The following TTBK2 variants were observed in gnomAD, a reference collection of about 807,000 sequenced individuals.
TTBK2 encodes tau-tubulin kinase 2.
In TTBK2, 28 loss-of-function variants were observed where a neutral mutation model predicts 110.8. That is an observed-to-expected ratio of 0.25 (90% confidence interval 0.19 to 0.35). The LOEUF is 0.35. Ranked by LOEUF, TTBK2 falls within the 10% of genes least tolerant of loss-of-function variation. The probability of loss-of-function intolerance (pLI) is 1.00; values close to 1 mark genes in which losing one functional copy is unlikely to be tolerated. For missense variants in TTBK2, 1,369 were observed against 1,500.3 expected, an observed-to-expected ratio of 0.91 and a Z score of 1.45; for synonymous variants, 532 against 527.3, an observed-to-expected ratio of 1.01 and a Z score of -0.12.
chr15:42,761,822 G>A (rs2062031881), intron 13 of TTBK2, among the ~76,000 whole-genome samples: 1 of 152,194 alleles, frequency 6.6e-6, no homozygotes, highest in Admixed American at 6.5e-5. Flanking sequence ...GCAGAGAAAA[G>A]AGAACTCTCA....
At chr15:42,902,602 G>A (rs1010196701) in intron 1 of TTBK2, among the ~76,000 whole-genome samples, 32 of 152,148 alleles carry the variant, frequency 2.1e-4, no homozygotes, top group African/African-American at 3.4e-4. Flanking sequence ...TATGGCAGGT[G>A]CCGGTGAGGA....
intron 4 of TTBK2, among the ~76,000 whole-genome samples, chr15:42,833,653 A>G (rs537063676): frequency 1.3e-5 from 2 of 152,268 alleles, no homozygotes; most frequent in East Asian, 3.9e-4. Context: ...CAGGAGGATC[A>G]CTTGAGCCCA....
chr15:42,746,293 T>A (rs116718595), intron 14 of TTBK2, 36 bp from the exon 15 acceptor site: 2 of 1,515,150 alleles, frequency 1.3e-6, no homozygotes, highest in South Asian at 1.2e-5. Flanking sequence ...TTAATTTTAA[T>A]TCATTTCAAG....
At chr15:42,750,618 G>A (rs2061852330) in intron 14 of TTBK2, among the ~76,000 whole-genome samples, 1 of 151,906 alleles carries the variant, frequency 6.6e-6, no homozygotes. Context: ...AGGGCCTGTG[G>A]GGCCATCAAG....
intron 1 of TTBK2, among the ~76,000 whole-genome samples, chr15:42,903,434 A>C (rs977524436): frequency 5.3e-5 from 8 of 152,196 alleles, no homozygotes; most frequent in Non-Finnish European, 1.0e-4. Context: ...TCTTATGTAT[A>C]TTTTACCATA....
intron 2 of TTBK2, among the ~76,000 whole-genome samples, chr15:42,873,294 C>A (rs554952922): frequency 6.6e-6 from 1 of 152,074 alleles, no homozygotes; most frequent in South Asian, 2.1e-4. Flanking sequence ...ATTAGCCAGG[C>A]GTGGTGGTAC....
At chr15:42,883,615 A>C (rs1441030932) in intron 1 of TTBK2, among the ~76,000 whole-genome samples, 1 of 151,976 alleles carries the variant, frequency 6.6e-6, no homozygotes, top group East Asian at 1.9e-4. Context: ...CAAAAAAAAT[A>C]AAAATAAAGT....
At chr15:42,831,524 A>G (rs1389970926) in intron 4 of TTBK2, among the ~76,000 whole-genome samples, 1 of 152,210 alleles carries the variant, frequency 6.6e-6, no homozygotes, top group East Asian at 1.9e-4. Flanking sequence ...ATTGCACTGA[A>G]GCTTCACAGT....
intron 13 of TTBK2, among the ~76,000 whole-genome samples, chr15:42,755,647 A>G (rs2061936193): frequency 6.6e-6 from 1 of 152,238 alleles, no homozygotes; most frequent in Non-Finnish European, 1.5e-5. Context: ...GACCTTGGGA[A>G]AAAGCATTAG....
chr15:42,885,190 G>A (rs1415625116), intron 1 of TTBK2, among the ~76,000 whole-genome samples: 1 of 152,172 alleles, frequency 6.6e-6, no homozygotes, highest in Non-Finnish European at 1.5e-5. Context: ...GAGACATTTG[G>A]TGCCAAAGAC....
intron 3 of TTBK2, among the ~76,000 whole-genome samples, chr15:42,842,514 T>C (rs1893261923): frequency 6.6e-6 from 1 of 152,024 alleles, no homozygotes; most frequent in South Asian, 2.1e-4. Context: ...AGGCCAAAGC[T>C]TGAAGATGAA....
At chr15:42,762,980 G>A (rs1325546581) in intron 13 of TTBK2, among the ~76,000 whole-genome samples, 10 of 148,638 alleles carry the variant, frequency 6.7e-5, no homozygotes, top group South Asian at 2.1e-4. Context: ...TAGCGGGAAC[G>A]GGGAGATAGG....
intron 13 of TTBK2, among the ~76,000 whole-genome samples, chr15:42,772,509 T>G (rs979930310): frequency 6.6e-6 from 1 of 152,188 alleles, no homozygotes; most frequent in African/African-American, 2.4e-5. Flanking sequence ...CATTTCTAGC[T>G]CCAAGAAATT....
At chr15:42,771,002 C>CT (rs1289376843) in intron 13 of TTBK2, among the ~76,000 whole-genome samples, 1 of 148,660 alleles carries the variant, frequency 6.7e-6, no homozygotes, top group African/African-American at 2.5e-5. Flanking sequence ...GACACAGAGT[C>CT]TTGCTCTGTC....
At chr15:42,791,695 T>C (rs891917749) in intron 10 of TTBK2, among the ~76,000 whole-genome samples, 6 of 152,186 alleles carry the variant, frequency 3.9e-5, no homozygotes, top group African/African-American at 1.4e-4. Flanking sequence ...GGTGGGTCAG[T>C]TCTTGCTTGG....
chr15:42,880,041 G>A (rs2141136130), intron 1 of TTBK2, among the ~76,000 whole-genome samples: 1 of 151,634 alleles, frequency 6.6e-6, no homozygotes, highest in East Asian at 1.9e-4. Context: ...AGGATGGAAG[G>A]GATAAGAAAG....
intron 13 of TTBK2, among the ~76,000 whole-genome samples, chr15:42,765,653 GA>G (rs1224117140): frequency 7.9e-5 from 12 of 152,228 alleles, no homozygotes; most frequent in Admixed American, 7.9e-4. Flanking sequence ...TGGTGTACCT[GA>G]AAGTGATGGG....
intron 10 of TTBK2, 49 bp from the exon 11 acceptor site, chr15:42,783,684 G>T: frequency 7.6e-7 from 1 of 1,314,152 alleles, no homozygotes; most frequent in Non-Finnish European, 1.1e-6. Context: ...ATTACTATGA[G>T]ACTATCTTAC....
intron 10 of TTBK2, among the ~76,000 whole-genome samples, chr15:42,792,043 A>G (rs1595914328): frequency 6.6e-6 from 1 of 152,158 alleles, no homozygotes; most frequent in Non-Finnish European, 1.5e-5. Context: ...AGGCTGAGGC[A>G]GGAGAATCAC....
Sources: gnomAD v4.1 joint callset for allele counts (sites outside exome capture counted in the v4.1 genomes callset) on GRCh38, gnomAD v4.1.1 for gene constraint, MANE v1.5 for transcripts, NCBI Gene and HGNC (gene_info 2026-07-23, HGNC 2026-07-21) for gene names.